CTTNBP2: variants seen among roughly 807,000 people sequenced by gnomAD.
The protein encoded by CTTNBP2 is cortactin-binding protein 2.
A neutral mutation model predicts 156.9 loss-of-function variants in CTTNBP2; 108 were observed. The ratio of observed to expected loss-of-function variants is 0.69; its 90% CI spans 0.59 to 0.81. The LOEUF (loss-of-function observed/expected upper bound fraction) is 0.81. Among genes scored for constraint, CTTNBP2 ranks in the 30% least tolerant of loss-of-function variants. The probability of loss-of-function intolerance (pLI) is 0.00; values close to 1 mark genes in which losing one functional copy is unlikely to be tolerated. For synonymous variants in CTTNBP2, 767 were observed against 751.8 expected (o/e 1.02, Z -0.33); for missense variants, 1,924 against 2,035.4 (o/e 0.95, Z 1.05).
At chr7:117,801,916 T>G (rs1799630729) in intron 3 of CTTNBP2, among the ~76,000 whole-genome samples, 2 of 152,138 alleles carry the variant, frequency 1.3e-5, no homozygotes, top group South Asian at 4.1e-4. Flanking sequence ...ATTTTTTTAT[T>G]TTTATTATAC....
In CTTNBP2 at chr7:117,819,338, ACT is replaced by A. The variant is rs1200439740; in HGVS notation, c.190-8351_190-8350del. On this transcript the variant is annotated intron_variant, in intron 2 of 22. Transcript: ENST00000160373. ...GAGGAGTGAGTTTACACATTCACAT[ACT>A]CTTTCTCTTTTCTCCTTCTCTCTCT... Among the ~76,000 whole-genome samples the A allele has an allele frequency of 2.7e-5, 4 of 145,676 alleles. No homozygotes were observed. In the East Asian group the frequency reaches 8.2e-4, roughly 30 times the overall value.
intron 8 of CTTNBP2, 39 bp downstream of exon 8, chr7:117,777,472 T>G (rs372247679): frequency 1.3e-6 from 2 of 1,590,338 alleles, no homozygotes; most frequent in African/African-American, 1.3e-5. Context: ...GCTCATCAAA[T>G]TACAGCTGCA....
At chr7:117,872,646 A>AC (rs1804694334) in intron 1 of CTTNBP2, among the ~76,000 whole-genome samples, 1 of 151,896 alleles carries the variant, frequency 6.6e-6, no homozygotes, top group Non-Finnish European at 1.5e-5. Flanking sequence ...CAGGTGCAGA[A>AC]CCTCCACCTC....
At chr7:117,713,974 C>T (rs1161820891) in intron 22 of CTTNBP2, 1 of 152,172 alleles carries the variant, frequency 6.6e-6, no homozygotes, top group Non-Finnish European at 1.5e-5. Context: ...AAGAAGCTAG[C>T]TTAGAAAGGC....
At chr7:117,873,300 C>T in intron 1 of CTTNBP2, 35 bp downstream of exon 1, 1 of 1,405,434 alleles carries the variant, frequency 7.1e-7, no homozygotes. Flanking sequence ...CCCGCGTCTA[C>T]ACTAGCCCCG....
chr7:117,791,747 C>T lies in CTTNBP2; in HGVS notation c.1449G>A (p.Val483=), dbSNP rs1239854477. 2 of 1,614,050 alleles carry T rather than the reference C, an allele frequency of 1.2e-6. No individual in the cohort carries two copies. The highest frequency in any genetic ancestry group is 2.2e-5 in the East Asian group (1 of 44,888). ...DVSPTSRDNL[V]AKQLARNTVT... is the part of the protein sequence containing the mutation. Reference sequence around the variant, plus strand: ...CAGTATTCCGAGCTAGTTGTTTGGCCACTAGGTTGTCACGACTTGTAGGCG... The same window carrying T: ...CAGTATTCCGAGCTAGTTGTTTGGCTACTAGGTTGTCACGACTTGTAGGCG... The change falls in exon 4 of 23, where the codon GTG becomes GTA. Residue 483 remains valine (V), a synonymous_variant. Transcript: ENST00000160373.
At chr7:117,846,894 C>T (rs1489548797) in intron 2 of CTTNBP2, among the ~76,000 whole-genome samples, 3 of 151,726 alleles carry the variant, frequency 2.0e-5, no homozygotes, top group African/African-American at 4.8e-5. Context: ...TATATATACT[C>T]TCATATTAAA....
At chr7:117,811,825 A>T (rs181606789) in intron 2 of CTTNBP2, among the ~76,000 whole-genome samples, 76 of 149,184 alleles carry the variant, frequency 5.1e-4, no homozygotes, top group African/African-American at 1.6e-3. Context: ...AATTTTAATT[A>T]AATTAAAATT....
At chr7:117,714,858 C>T (rs370669927) in intron 22 of CTTNBP2, among the ~76,000 whole-genome samples, 14 of 152,174 alleles carry the variant, frequency 9.2e-5, no homozygotes, top group African/African-American at 3.4e-4. Flanking sequence ...CCCTGGAAGT[C>T]AAGCCTAGGG....
At chr7:117,856,743 A>G (rs1228802551) in intron 2 of CTTNBP2, among the ~76,000 whole-genome samples, 6 of 152,362 alleles carry the variant, frequency 3.9e-5, no homozygotes, top group African/African-American at 1.2e-4. Context: ...AAAGGAATTC[A>G]TTGTTTAAAT....
chr7:117,769,958 G>A (rs1199402985), intron 8 of CTTNBP2, among the ~76,000 whole-genome samples: 2 of 152,194 alleles, frequency 1.3e-5, no homozygotes, highest in Non-Finnish European at 2.9e-5. Context: ...TGTATTTCAA[G>A]TATCTATATC....
chr7:117,724,606 C>A lies in CTTNBP2; in HGVS notation c.4388G>T (p.Arg1463Leu). 6.2e-7 allele frequency: 1 copy of A among 1,614,072 alleles called. No homozygotes were observed. The highest frequency in any genetic ancestry group is 8.5e-7 in the Non-Finnish European group (1 of 1,180,022). Residue 1463 changes from arginine (R) to leucine (L), a missense_variant, in exon 19 of 23, where the codon CGC becomes CTC. Transcript: ENST00000160373. ...GAWRKVNTSP[R>L]RKSGRFSLPT... ...TAAAGAGAAGCGGCCAGACTTCCTG[C>A]GAGGACTGGTGTTCACCTTTCTCCA...
At chr7:117,796,421 C>G (rs887843766) in intron 3 of CTTNBP2, among the ~76,000 whole-genome samples, 1 of 151,604 alleles carries the variant, frequency 6.6e-6, no homozygotes, top group Non-Finnish European at 1.5e-5. Context: ...TACTCCCATA[C>G]TTTAAAAATA....
At chr7:117,811,678 TC>T (rs1175886986) in intron 2 of CTTNBP2, among the ~76,000 whole-genome samples, 3 of 151,998 alleles carry the variant, frequency 2.0e-5, no homozygotes, top group Admixed American at 6.5e-5. Context: ...TATCTCTATA[TC>T]GATAGAACTT....
At position 117,760,554 on chromosome 7, in the gene CTTNBP2, G is replaced by C; in HGVS notation, c.3053C>G (p.Thr1018Arg). The C allele has an allele frequency of 1.9e-6, 3 of 1,614,140 alleles. No homozygotes were observed. The highest frequency in any genetic ancestry group is 2.5e-6 in the Non-Finnish European group (3 of 1,180,004). The change falls in exon 10 of 23, where the codon ACA becomes AGA. Residue 1018 changes from threonine to arginine, a missense_variant. Transcript: ENST00000160373. The stretch of plus-strand genomic sequence containing the variant: ...AGAAGAGATTGCCTGGAAATGATTT[G>C]TCAGAGCTTGACTCACTGCTTTTGA... ...DFSKAVSQALTNHFQAISSDG... is the reference protein window; with the variant it reads ...DFSKAVSQALRNHFQAISSDG...
At chr7:117,847,491 T>C (rs1332163513) in intron 2 of CTTNBP2, among the ~76,000 whole-genome samples, 1 of 152,122 alleles carries the variant, frequency 6.6e-6, no homozygotes, top group Non-Finnish European at 1.5e-5. Context: ...GCTAAGATCA[T>C]GCCACTGCAC....
At chr7:117,775,847 A>G (rs1798067083) in intron 8 of CTTNBP2, among the ~76,000 whole-genome samples, 1 of 152,168 alleles carries the variant, frequency 6.6e-6, no homozygotes, top group African/African-American at 2.4e-5. Flanking sequence ...ATACAAACAA[A>G]TCAAGTTCCC....
At chr7:117,798,247 C>G (rs1799430356) in intron 3 of CTTNBP2, among the ~76,000 whole-genome samples, 1 of 152,092 alleles carries the variant, frequency 6.6e-6, no homozygotes, top group Non-Finnish European at 1.5e-5. Context: ...TCTGAAAACA[C>G]TATAAAAATC....
intron 2 of CTTNBP2, among the ~76,000 whole-genome samples, chr7:117,849,806 G>C (rs773826346): frequency 6.6e-6 from 1 of 152,070 alleles, no homozygotes; most frequent in South Asian, 2.1e-4. Context: ...ACTAAAACAC[G>C]CAAGCCAGCC....
Sources: allele counts gnomAD v4.1 joint callset (sites outside exome capture counted in the v4.1 genomes callset), GRCh38; gene constraint gnomAD v4.1.1; transcripts MANE v1.5; gene names NCBI Gene and HGNC (gene_info 2026-07-23, HGNC 2026-07-21).